The following SLC10A7 variants were observed in gnomAD, a reference collection of about 807,000 sequenced individuals.
SLC10A7 encodes solute carrier family 10 member 7, also known as sodium/bile acid cotransporter 7.
In SLC10A7, 29 loss-of-function variants were observed where a neutral mutation model predicts 43.2. The observed-to-expected ratio is 0.67, with a 90% CI of 0.50 to 0.92. SLC10A7 has a LOEUF of 0.92. SLC10A7 is among the 40% of genes least tolerant of loss of function. The pLI is 0.00. For synonymous variants in SLC10A7, 152 were observed against 144.8 expected (o/e 1.05, Z -0.35); for missense variants, 295 against 403.2 (o/e 0.73, Z 2.30).
intron 3 of SLC10A7, among the ~76,000 whole-genome samples, chr4:146,508,785 T>C (rs773056042): frequency 6.6e-6 from 1 of 152,216 alleles, no homozygotes; most frequent in Non-Finnish European, 1.5e-5. Context: ...AAGAATCATT[T>C]GCAAACATAA....
At chr4:146,436,951 A>T (rs879646886) in intron 5 of SLC10A7, among the ~76,000 whole-genome samples, 1 of 152,118 alleles carries the variant, frequency 6.6e-6, no homozygotes, top group African/African-American at 2.4e-5. Context: ...CTTATTTAAC[A>T]AACAGTATGC....
At chr4:146,490,464 T>C (rs564972950) in intron 4 of SLC10A7, among the ~76,000 whole-genome samples, 70 of 152,306 alleles carry the variant, frequency 4.6e-4, no homozygotes, top group African/African-American at 1.6e-3. Context: ...TAAATAAATA[T>C]ATAAAATATT....
chr4:146,380,357 A>G (rs1273364266), intron 5 of SLC10A7, among the ~76,000 whole-genome samples: 1 of 152,184 alleles, frequency 6.6e-6, no homozygotes, highest in Non-Finnish European at 1.5e-5. Context: ...GTGATATTAT[A>G]TTAATTGTAC....
chr4:146,448,205 C>T (rs999132282), intron 4 of SLC10A7, among the ~76,000 whole-genome samples: 3 of 150,984 alleles, frequency 2.0e-5, no homozygotes, highest in African/African-American at 7.3e-5. Context: ...TACCCTAAAA[C>T]TTAAAGTATA....
intron 2 of SLC10A7, among the ~76,000 whole-genome samples, chr4:146,515,909 C>CAAAA (rs57840725): frequency 2.5e-5 from 2 of 79,226 alleles, no homozygotes; most frequent in Non-Finnish European, 4.6e-5. Flanking sequence ...GATTCCATCT[C>CAAAA]AAAAAAAAAA....
chr4:146,440,713 A>G (rs1174990578), intron 5 of SLC10A7, among the ~76,000 whole-genome samples: 1 of 152,196 alleles, frequency 6.6e-6, no homozygotes, highest in Non-Finnish European at 1.5e-5. Context: ...ATAACACTGG[A>G]GCAAAACATA....
intron 5 of SLC10A7, among the ~76,000 whole-genome samples, chr4:146,407,028 G>A (rs1236094516): frequency 6.6e-6 from 1 of 152,096 alleles, no homozygotes; most frequent in Non-Finnish European, 1.5e-5. Context: ...TGTTTACTGT[G>A]TGATTCTGGT....
intron 5 of SLC10A7, among the ~76,000 whole-genome samples, chr4:146,434,086 A>G (rs1482826868): frequency 2.0e-5 from 3 of 152,152 alleles, no homozygotes; most frequent in Admixed American, 2.0e-4. Context: ...ATTATATAAA[A>G]CAAAATCAAG....
chr4:146,280,077 C>A (rs1729450062), intron 10 of SLC10A7, among the ~76,000 whole-genome samples: 1 of 151,826 alleles, frequency 6.6e-6, no homozygotes, highest in Admixed American at 6.6e-5. Context: ...TGCCTCTTGG[C>A]CTGCAATGAT....
At position 146,457,942 on chromosome 4, in the gene SLC10A7, G is replaced by C. The variant is rs1007100205; in HGVS notation, c.397-15121C>G. Among the ~76,000 whole-genome samples, 9 of 151,870 alleles carry C rather than the reference G, an allele frequency of 5.9e-5. No individual in the cohort carries two copies. The East Asian group carries it at 9.7e-4, about 16-fold the overall frequency. ...TATTAATTCTATAAAAACTCACCAA[G>C]AGAAATACAACAGGAAAGAAAATTC... On this transcript the variant is annotated intron_variant, in intron 4 of 11. Transcript: ENST00000335472.
chr4:146,401,931 G>A (rs1739254187), intron 5 of SLC10A7, among the ~76,000 whole-genome samples: 1 of 152,120 alleles, frequency 6.6e-6, no homozygotes. Context: ...GATTAAAGAT[G>A]ATAATTAGGT....
chr4:146,350,877 T>C (rs925371528), intron 5 of SLC10A7, among the ~76,000 whole-genome samples: 1 of 139,602 alleles, frequency 7.2e-6, no homozygotes, highest in Non-Finnish European at 1.5e-5. Context: ...CAAAAACCCA[T>C]CTGTACATCA....
chr4:146,315,907 C>A (rs1732293538), intron 6 of SLC10A7, among the ~76,000 whole-genome samples: 1 of 152,064 alleles, frequency 6.6e-6, no homozygotes, highest in Admixed American at 6.6e-5. Context: ...TTGAATCATT[C>A]TAATCATTCA....
At chr4:146,277,495 A>G (rs1179570673) in intron 10 of SLC10A7, among the ~76,000 whole-genome samples, 1 of 152,212 alleles carries the variant, frequency 6.6e-6, no homozygotes, top group Non-Finnish European at 1.5e-5. Flanking sequence ...TAATAGCACA[A>G]AATGACAGAC....
At chr4:146,495,426 G>A (rs1169894893) in intron 4 of SLC10A7, among the ~76,000 whole-genome samples, 2 of 152,072 alleles carry the variant, frequency 1.3e-5, no homozygotes, top group Admixed American at 6.5e-5. Flanking sequence ...TAATGCATTG[G>A]ATTAGCAAGA....
At chr4:146,386,303 G>A (rs553179992) in intron 5 of SLC10A7, among the ~76,000 whole-genome samples, 37 of 152,052 alleles carry the variant, frequency 2.4e-4, no homozygotes, top group South Asian at 1.2e-3. Context: ...ATCTCATTGC[G>A]GTTTTGATTT....
chr4:146,387,628 G>C (rs973693011), intron 5 of SLC10A7, among the ~76,000 whole-genome samples: 6 of 152,100 alleles, frequency 3.9e-5, no homozygotes, highest in Non-Finnish European at 7.4e-5. Flanking sequence ...TTGGAAAAAA[G>C]GAAGTCAGAT....
chr4:146,355,885 G>A (rs1184186985), intron 5 of SLC10A7, among the ~76,000 whole-genome samples: 5 of 109,358 alleles, frequency 4.6e-5, no homozygotes, highest in Non-Finnish European at 1.7e-5. Flanking sequence ...TCTGGGGACT[G>A]TGGTGGGGTG....
chr4:146,464,142 C>CA (rs200887727), intron 4 of SLC10A7, among the ~76,000 whole-genome samples: 27 of 143,916 alleles, frequency 1.9e-4, no homozygotes, highest in East Asian at 6.0e-4. Flanking sequence ...TTTCTAATAG[C>CA]AAAAAAAAAA....
Sources: gnomAD v4.1 joint callset for allele counts (sites outside exome capture counted in the v4.1 genomes callset) on GRCh38, gnomAD v4.1.1 for gene constraint, MANE v1.5 for transcripts, NCBI Gene and HGNC (gene_info 2026-07-23, HGNC 2026-07-21) for gene names.